The following SYNPO variants were observed in gnomAD, a reference collection of about 807,000 sequenced individuals.
The protein encoded by SYNPO is synaptopodin.
SYNPO carries 19 observed loss-of-function variants against 49.5 expected under a neutral mutation model. The observed-to-expected ratio is 0.38, with a 90% CI of 0.27 to 0.56. The LOEUF (loss-of-function observed/expected upper bound fraction) is 0.56, where lower values mean the gene tolerates loss of function less well. SYNPO is among the 20% of genes least tolerant of loss of function. The probability of loss-of-function intolerance (pLI) is 0.68; values close to 1 mark genes in which losing one functional copy is unlikely to be tolerated. For missense variants in SYNPO, 1,131 were observed against 1,248.3 expected (o/e 0.91, Z 1.42); for synonymous variants, 536 against 548.0 (o/e 0.98, Z 0.31).
At chr5:150,596,830 C>A (rs1756433445), upstream of SYNPO, among the ~76,000 whole-genome samples, 1 of 152,178 alleles carries the variant, frequency 6.6e-6, no homozygotes, top group African/African-American at 2.4e-5. Context: ...CAAGTCAGGG[C>A]AAGGAGGCTA....
At chr5:150,598,482 C>G (rs932690255), upstream of SYNPO, among the ~76,000 whole-genome samples, 6 of 152,230 alleles carry the variant, frequency 3.9e-5, no homozygotes, top group Non-Finnish European at 8.8e-5. Context: ...GCCTCCCTAC[C>G]AGCTTTCTGG....
Position 150,657,411 on chromosome 5 carries a change from C to G in SYNPO, c.*324C>G, listed in dbSNP as rs1327275472. On this transcript the variant is annotated 3_prime_UTR_variant, in exon 3 of 3. Transcript: ENST00000307662. ...ACACACACCGATGCACACACACTCT[C>G]TCTTTCTCTCTCTCTCTCTCTCACA... 1 of 310,162 alleles carries G rather than the reference C, an allele frequency of 3.2e-6. No homozygotes were observed. Among genetic ancestry groups the G allele is most frequent in the Admixed American group, 5.0e-5 (1 of 19,990 alleles). 19.2% of individuals were successfully genotyped at this position (310,162 alleles called of 1,614,324 possible). A position where few individuals can be genotyped will look rare whatever the true frequency, so the allele number is the denominator to read the frequency against.
At chr5:150,617,918 G>C (rs1007048903) in intron 1 of SYNPO, among the ~76,000 whole-genome samples, 2 of 152,146 alleles carry the variant, frequency 1.3e-5, no homozygotes, top group Non-Finnish European at 2.9e-5. Context: ...ATGAGGATGT[G>C]GTGAAAATCC....
the SYNPO span, among the ~76,000 whole-genome samples, chr5:150,591,931 C>T: frequency 3.3e-5 from 5 of 152,230 alleles, no homozygotes; most frequent in African/African-American, 7.2e-5. Flanking sequence ...TTTGGGAGGC[C>T]GAGGTGGGTG....
chr5:150,594,515 T>G, the SYNPO span, among the ~76,000 whole-genome samples: 2 of 152,192 alleles, frequency 1.3e-5, no homozygotes, highest in African/African-American at 4.8e-5. Flanking sequence ...CACCTGCCCC[T>G]GGATCTGCTG....
At chr5:150,628,067 G>GTGTGTGTGTGTGT (rs1561643388) in intron 2 of SYNPO, among the ~76,000 whole-genome samples, 145 of 126,778 alleles carry the variant, frequency 1.1e-3, no homozygotes, top group African/African-American at 4.1e-3. Flanking sequence ...TGTGTGTGTG[G>GTGTGTGTGTGTGT]TCAGAGTCTT....
At chr5:150,625,099 G>A (rs1039883181) in intron 2 of SYNPO, among the ~76,000 whole-genome samples, 1 of 152,244 alleles carries the variant, frequency 6.6e-6, no homozygotes, top group Admixed American at 6.5e-5. Context: ...GTGGGGGGCT[G>A]GAGGGGTATC....
chr5:150,601,325 AG>A (rs1438082188), intron 1 of SYNPO: 1 of 152,256 alleles, frequency 6.6e-6, no homozygotes, highest in Non-Finnish European at 1.5e-5. Context: ...GGGCCCTGGC[AG>A]GGCCTGGCTG....
chr5:150,596,561 T>C (rs566662727), upstream of SYNPO, among the ~76,000 whole-genome samples: 50 of 152,174 alleles, frequency 3.3e-4, no homozygotes, highest in Middle Eastern at 0.01. Flanking sequence ...TGGATGGAAT[T>C]TACCCCCCAA....
exon 2 of SYNPO, chr5:150,618,201 C>T: frequency 1.2e-6 from 1 of 820,264 alleles, no homozygotes; most frequent in Non-Finnish European, 1.8e-6. Context: ...TCGTCTCAGC[C>T]AGACCTCACC....
At chr5:150,640,038 C>T, upstream of SYNPO, 3 of 736,708 alleles carry the variant, frequency 4.1e-6, no homozygotes, top group Non-Finnish European at 5.0e-6. Context: ...CCCTCTGAGC[C>T]AGCGTCTTCT....
At position 150,648,620 on chromosome 5, in the gene SYNPO, A is replaced by T; in HGVS notation, c.345A>T (p.Gln115His). 6.2e-7 allele frequency: 1 copy of T among 1,614,146 alleles called. No homozygotes were observed. The highest frequency in any genetic ancestry group is 8.5e-7 in the Non-Finnish European group (1 of 1,180,034). The change falls in exon 2 of 3, where the codon CAA becomes CAT. Residue 115 changes from glutamine to histidine, a missense_variant. This residue lies in a region of SYNPO where 602 missense variants were observed against 720.7 expected (regional missense o/e 0.84). Transcript: ENST00000307662. The surrounding 1 kb of genome is among the most constrained non-coding windows in gnomAD (Gnocchi z 5.0). ...VPQSLPLSSI[Q>H]QNSSEAQLPS... ...AGAGCCTGCCACTTTCTAGCATCCA[A>T]CAGAATTCCTCAGAGGCCCAACTCC...
At position 150,605,757 on chromosome 5, in the gene SYNPO, C is replaced by CAT. The variant is rs147304589; in HGVS notation, c.-266+4571_-266+4572dup. On this transcript the variant is annotated intron_variant, in intron 1 of 2. Transcript: ENST00000394243. ...CAACCACCCCCACCACACACACACA[C>CAT]ATACACACACACACACACACACACA... Among the ~76,000 whole-genome samples, 3 of 111,746 alleles carry CAT rather than the reference C, an allele frequency of 2.7e-5. No individual in the cohort carries two copies. In the East Asian group the frequency reaches 8.8e-4, roughly 33 times the overall value. The allele number at this position is 111,746 out of a possible 152,430, so 73.3% of individuals were successfully genotyped here.
the SYNPO span, among the ~76,000 whole-genome samples, chr5:150,591,730 A>G: frequency 2.6e-5 from 4 of 152,262 alleles, no homozygotes; most frequent in African/African-American, 7.2e-5. Context: ...AAAATACAAT[A>G]AAAACAAAAC....
Position 150,640,843 on chromosome 5 carries a change from G to A in SYNPO, c.-344G>A, listed in dbSNP as rs531147933. The A allele has an allele frequency of 3.7e-5, 36 of 985,616 alleles. No homozygotes were observed. The Admixed American group carries it at 9.8e-4, about 27-fold the overall frequency. The allele number at this position is 985,616 out of a possible 1,614,324, so 61.1% of individuals were successfully genotyped here. A position where few individuals can be genotyped will look rare whatever the true frequency, so the allele number is the denominator to read the frequency against. Reference sequence around the variant, plus strand: ...CCAGGGGGAAGCTTGGCTTCAGGGAGGACCTAGCAGAGTGAGTAAGATGAG... The same window carrying A: ...CCAGGGGGAAGCTTGGCTTCAGGGAAGACCTAGCAGAGTGAGTAAGATGAG... On this transcript the variant is annotated 5_prime_UTR_variant, in exon 1 of 3. Coordinates refer to ENST00000307662, the MANE Select transcript of SYNPO (RefSeq NM_007286.6).
chr5:150,602,997 GGTGT>G (rs3062133), intron 1 of SYNPO, among the ~76,000 whole-genome samples: 1,658 of 131,220 alleles, frequency 0.013, 35 homozygotes, highest in East Asian at 0.072. Context: ...GCCACCTTAG[GGTGT>G]GTGTGTGTGT....
At chr5:150,650,692 G>A in intron 2 of SYNPO, 1 of 1,395,460 alleles carries the variant, frequency 7.2e-7, no homozygotes, top group East Asian at 2.6e-5. Flanking sequence ...TGGCCTAGAA[G>A]GGGATCCTAA....
At chr5:150,595,845 GC>G in the SYNPO span, among the ~76,000 whole-genome samples, 1 of 108,524 alleles carries the variant, frequency 9.2e-6, no homozygotes, top group Non-Finnish European at 1.8e-5. Context: ...AAGTTCTCAT[GC>G]CCCCCACCCC....
chr5:150,595,433 G>C, the SYNPO span, among the ~76,000 whole-genome samples: 7 of 152,236 alleles, frequency 4.6e-5, no homozygotes, highest in Non-Finnish European at 8.8e-5. Flanking sequence ...AGGTCTCACA[G>C]CATCAGGAGC....
Sources: allele counts gnomAD v4.1 joint callset (sites outside exome capture counted in the v4.1 genomes callset), GRCh38; gene constraint gnomAD v4.1.1; regional missense constraint gnomAD v4.1.1; non-coding constraint Gnocchi (gnomAD v3.1); transcripts MANE v1.5; gene names NCBI Gene and HGNC (gene_info 2026-07-23, HGNC 2026-07-21).